Variants in IQCK observed in about 807,000 individuals in gnomAD.
IQCK encodes IQ motif containing K.
Under a neutral mutation model 28.1 loss-of-function variants are expected in IQCK, and 29 were observed. That is an observed-to-expected ratio of 1.03 (90% CI 0.77 to 1.41). The LOEUF (loss-of-function observed/expected upper bound fraction) is 1.41. IQCK is among the 40% of genes most tolerant of loss of function. The probability of loss-of-function intolerance (pLI) is 0.00; values close to 1 mark genes in which losing one functional copy is unlikely to be tolerated. For missense variants in IQCK, 359 were observed against 314.7 expected (o/e 1.14, Z -1.07); for synonymous variants, 113 against 115.1 (o/e 0.98, Z 0.12).
At position 19,735,334 on chromosome 16, in the gene IQCK, T is replaced by TTTTG. The variant is rs770012665; in HGVS notation, c.377-7_377-4dup. The TTTTG allele has an allele frequency of 1.2e-5, 19 of 1,586,266 alleles. No homozygotes were observed. The highest frequency in any genetic ancestry group is 1.2e-5 in the Non-Finnish European group (14 of 1,155,030). ...GCCACTGGGGATTTGCAGGGGGAATTTTTGTTTGTTTGTTTTAGGTTCTCC... is the reference window on the plus strand; with the variant it reads ...GCCACTGGGGATTTGCAGGGGGAATTTTTGTTTGTTTGTTTGTTTTAGGTTCTCC... On this transcript the variant is annotated intron_variant, in intron 3 of 7. Transcript: ENST00000564186.
Position 19,754,633 on chromosome 16 carries a change from CTTTCT to C in IQCK, c.475-9211_475-9207del, listed in dbSNP as rs548260475. Among the ~76,000 whole-genome samples, 570 of 124,816 alleles carry C rather than the reference CTTTCT, an allele frequency of 4.6e-3. 8 individuals are homozygous for C. Among genetic ancestry groups the C allele is most frequent in the African/African-American group, 0.028 (549 of 19,276 alleles). 81.9% of individuals were successfully genotyped at this position (124,816 alleles called of 152,430 possible). The stretch of plus-strand genomic sequence containing the variant: ...CTGTAAAATTACAGAATTTTTTTCT[CTTTCT>C]TTTTTTTTTCTTTTTACATTCCTTG... On this transcript the variant is annotated intron_variant, in intron 4 of 7. Transcript: ENST00000564186.
chr16:19,774,956 C>T (rs555902777), intron 6 of IQCK, among the ~76,000 whole-genome samples: 1 of 152,172 alleles, frequency 6.6e-6, no homozygotes, highest in African/African-American at 2.4e-5. Flanking sequence ...GGCGTGGTGT[C>T]TTAGGCCTTG....
intron 9 of IQCK, among the ~76,000 whole-genome samples, chr16:19,836,123 C>A (rs1706972172): frequency 6.6e-6 from 1 of 152,206 alleles, no homozygotes; most frequent in Non-Finnish European, 1.5e-5. Context: ...TAAATGAGGT[C>A]ATTGTTTTGA....
At chr16:19,728,961 A>T (rs1838999234) in intron 1 of IQCK, among the ~76,000 whole-genome samples, 1 of 152,168 alleles carries the variant, frequency 6.6e-6, no homozygotes, top group Non-Finnish European at 1.5e-5. Flanking sequence ...CCCACAAATT[A>T]ATTTTTCCTC....
chr16:19,837,714 C>G (rs1056206488), intron 9 of IQCK, among the ~76,000 whole-genome samples: 47 of 152,192 alleles, frequency 3.1e-4, no homozygotes, highest in African/African-American at 1.1e-3. Context: ...AGCAGTGGTT[C>G]TCAATGCTGG....
intron 6 of IQCK, among the ~76,000 whole-genome samples, chr16:19,779,533 C>T (rs545879010): frequency 1.4e-4 from 21 of 152,218 alleles, no homozygotes; most frequent in Admixed American, 1.2e-3. Context: ...CTAACCACCA[C>T]ACTATATTAC....
downstream of IQCK, among the ~76,000 whole-genome samples, chr16:19,828,231 C>CTT (rs749049124): frequency 3.7e-4 from 40 of 107,242 alleles, no homozygotes; most frequent in Non-Finnish European, 4.8e-4. Flanking sequence ...TCTTTCTTTT[C>CTT]TTTTTTTTTT....
chr16:19,775,812 G>A (rs1191741347), intron 6 of IQCK, among the ~76,000 whole-genome samples: 8 of 142,064 alleles, frequency 5.6e-5, no homozygotes, highest in South Asian at 2.4e-4. Context: ...GCAGGGATAC[G>A]TAAAGGAACA....
intron 6 of IQCK, among the ~76,000 whole-genome samples, chr16:19,784,181 G>A (rs1251244655): frequency 2.0e-5 from 3 of 152,134 alleles, no homozygotes; most frequent in East Asian, 1.9e-4. Context: ...CAAAGAGGGC[G>A]TTTTCTATGA....
rs1200804532 is a variant in IQCK, at chr16:19,763,744, G to A, written c.475-104G>A. The A allele has an allele frequency of 4.5e-6, 4 of 879,264 alleles. No individual in the cohort carries two copies. In the African/African-American group the frequency reaches 4.9e-5, roughly 11 times the overall value. The allele number at this position is 879,264 out of a possible 1,614,324, so 54.5% of individuals were successfully genotyped here. ...AGGCGTGAGCCACCACACCCAGCCA[G>A]TGTTAAGCTTTATTGAAAAAAGTCA... On this transcript the variant is annotated intron_variant, in intron 4 of 7. Coordinates refer to ENST00000564186, the Ensembl canonical transcript of IQCK.
chr16:19,729,941 G>A (rs2151679284), intron 1 of IQCK, among the ~76,000 whole-genome samples: 2 of 151,822 alleles, frequency 1.3e-5, no homozygotes, highest in South Asian at 4.2e-4. Context: ...ACCACGCCCG[G>A]CCTATTTTAT....
At chr16:19,759,512 G>C (rs1170771578) in intron 4 of IQCK, among the ~76,000 whole-genome samples, 3 of 152,052 alleles carry the variant, frequency 2.0e-5, no homozygotes, top group Non-Finnish European at 4.4e-5. Flanking sequence ...CCCAGCCTCA[G>C]TGCAGTCAGT....
chr16:19,835,624 G>A (rs957488723), intron 9 of IQCK, among the ~76,000 whole-genome samples: 10 of 143,124 alleles, frequency 7.0e-5, no homozygotes, highest in Non-Finnish European at 1.5e-4. Context: ...TTGCTCTGTC[G>A]CCCAGACTGA....
intron 7 of IQCK, among the ~76,000 whole-genome samples, chr16:19,815,018 C>T (rs930189826): frequency 1.3e-5 from 2 of 152,144 alleles, no homozygotes; most frequent in Non-Finnish European, 2.9e-5. Context: ...AATTCCTGTG[C>T]TCAAGTGATC....
At chr16:19,723,980 G>T (rs1977576626) in intron 1 of IQCK, among the ~76,000 whole-genome samples, 1 of 149,224 alleles carries the variant, frequency 6.7e-6, no homozygotes, top group South Asian at 2.1e-4. Flanking sequence ...AAAAAAAGCA[G>T]CTTCCTTGGC....
At chr16:19,770,256 A>G (rs543096901) in intron 6 of IQCK, among the ~76,000 whole-genome samples, 1 of 152,274 alleles carries the variant, frequency 6.6e-6, no homozygotes, top group Non-Finnish European at 1.5e-5. Flanking sequence ...AAGTGTAACA[A>G]TGACTTGTTT....
chr16:19,767,866 C>T (rs781104427), intron 6 of IQCK, among the ~76,000 whole-genome samples: 10 of 151,566 alleles, frequency 6.6e-5, no homozygotes, highest in African/African-American at 1.7e-4. Flanking sequence ...GGTGACAGAG[C>T]GAGACTCCAT....
chr16:19,743,064 G>A (rs767350421), intron 4 of IQCK, among the ~76,000 whole-genome samples: 1 of 152,160 alleles, frequency 6.6e-6, no homozygotes, highest in Non-Finnish European at 1.5e-5. Context: ...CCAGCTACTC[G>A]GGAGGCTGAG....
At chr16:19,770,224 G>A (rs1043165741) in intron 6 of IQCK, among the ~76,000 whole-genome samples, 1 of 152,148 alleles carries the variant, frequency 6.6e-6, no homozygotes, top group African/African-American at 2.4e-5. Flanking sequence ...TCAATGAATG[G>A]CACTTACTCT....
Sources: gnomAD v4.1 joint callset for allele counts (sites outside exome capture counted in the v4.1 genomes callset) on GRCh38, gnomAD v4.1.1 for gene constraint, MANE v1.5 for transcripts, NCBI Gene and HGNC (gene_info 2026-07-23, HGNC 2026-07-21) for gene names.